Variants in PTPN11 observed in about 807,000 individuals in gnomAD.
The protein encoded by PTPN11 is protein tyrosine phosphatase non-receptor type 11.
A neutral mutation model predicts 78.8 loss-of-function variants in PTPN11; 6 were observed. The ratio of observed to expected loss-of-function variants is 0.08; its 90% CI spans 0.04 to 0.15. The LOEUF is 0.15. PTPN11 is among the 10% of genes least tolerant of loss of function. PTPN11 has a pLI of 1.00. For missense variants in PTPN11, 386 were observed against 744.8 expected (o/e 0.52, Z 5.61); for synonymous variants, 221 against 263.5 (o/e 0.84, Z 1.56).
chr12:112,465,170 A>G (rs543846710), intron 6 of PTPN11, among the ~76,000 whole-genome samples: 1 of 152,194 alleles, frequency 6.6e-6, no homozygotes, highest in Non-Finnish European at 1.5e-5. Flanking sequence ...GGTGGCTCAC[A>G]CCTGTAATCC....
chr12:112,463,923 G>A (rs995866647), intron 6 of PTPN11, among the ~76,000 whole-genome samples: 1 of 152,214 alleles, frequency 6.6e-6, no homozygotes, highest in Non-Finnish European at 1.5e-5. Context: ...AAATAAGGCT[G>A]AAAACAGAAT....
chr12:112,452,258 C>T (rs990062866), intron 3 of PTPN11, among the ~76,000 whole-genome samples: 3 of 150,840 alleles, frequency 2.0e-5, no homozygotes, highest in Admixed American at 6.6e-5. Flanking sequence ...GATGGAGTTT[C>T]GCTCGTCACC....
chr12:112,504,975 A>G lies in PTPN11; in HGVS notation c.*32+179A>G, dbSNP rs571561082. Among the ~76,000 whole-genome samples, 1 of 152,370 alleles carries G rather than the reference A, an allele frequency of 6.6e-6. No homozygotes were observed. Among genetic ancestry groups the G allele is most frequent in the East Asian group, 1.9e-4 (1 of 5,194 alleles). ...AGATGGTTTTAGTTTAGAGTTCATT[A>G]AACATTAAAATCAAACACAGAATTA... On this transcript the variant is annotated intron_variant, in intron 15 of 15. Transcript: ENST00000351677. The surrounding 1 kb of genome is among the most constrained non-coding windows in gnomAD (Gnocchi z 4.7).
intron 6 of PTPN11, among the ~76,000 whole-genome samples, chr12:112,471,489 A>T (rs2038416786): frequency 6.7e-6 from 1 of 148,972 alleles, no homozygotes; most frequent in Non-Finnish European, 1.5e-5. Context: ...AGAGAGAGAG[A>T]GACCCTGTCT....
rs2038341767 is a variant in PTPN11 at position 112,467,190 on chromosome 12, TGCCG to T, written c.757-5753_757-5750del. Among the ~76,000 whole-genome samples, 3 of 152,292 alleles carry T rather than the reference TGCCG, an allele frequency of 2.0e-5. No individual in the cohort carries two copies. The South Asian group carries it at 6.2e-4, about 32-fold the overall frequency. On this transcript the variant is annotated intron_variant, in intron 6 of 15. Coordinates refer to ENST00000351677, the MANE Select transcript of PTPN11 (RefSeq NM_002834.5). ...GCCGTTGGGTACTCACAGTCAGTAGTGCCGTTGGGTACTCACATGTACAACATGG... is the reference window on the plus strand; with the variant it reads ...GCCGTTGGGTACTCACAGTCAGTAGTTTGGGTACTCACATGTACAACATGG...
At position 112,509,703 on chromosome 12, in the gene PTPN11, G is replaced by A. The variant is rs1205060032; in HGVS notation, c.*3911G>A. 1.3e-5 allele frequency: 2 copies of A among 152,530 alleles called. No individual in the cohort carries two copies. Among genetic ancestry groups the A allele is most frequent in the Non-Finnish European group, 2.9e-5 (2 of 68,036 alleles). The allele number at this position is 152,530 out of a possible 1,614,324, so 9.4% of individuals were successfully genotyped here. A position where few individuals can be genotyped will look rare whatever the true frequency, so the allele number is the denominator to read the frequency against. ...TTGCCTTTTTGCCCACGTATATTAT[G>A]TAGTCTATTTGCAACTGTTCTTAAA... On this transcript the variant is annotated 3_prime_UTR_variant, in exon 16 of 16. Coordinates refer to ENST00000351677, the MANE Select transcript of PTPN11 (RefSeq NM_002834.5).
chr12:112,438,047 G>A (rs1205509766), intron 1 of PTPN11, among the ~76,000 whole-genome samples: 1 of 152,094 alleles, frequency 6.6e-6, no homozygotes, highest in East Asian at 1.9e-4. Context: ...GGACTCTGAT[G>A]TACCTGAAGT....
intron 1 of PTPN11, among the ~76,000 whole-genome samples, chr12:112,443,359 C>CTTTTTTTTTTTTTTTTTTTTTGTTTT (rs546004663): frequency 7.2e-6 from 1 of 138,614 alleles, no homozygotes. Flanking sequence ...ATGGTTGTAT[C>CTTTTTTTTTTTTTTTTTTTTTGTTTT]TTTTTTTTTT....
At chr12:112,478,278 G>T (rs757205807) in intron 9 of PTPN11, among the ~76,000 whole-genome samples, 2 of 151,772 alleles carry the variant, frequency 1.3e-5, no homozygotes, top group Non-Finnish European at 2.9e-5. Context: ...AGTTTCTTCA[G>T]ATACATATCC....
chr12:112,476,894 A>G (rs1459635079), intron 7 of PTPN11, among the ~76,000 whole-genome samples: 1 of 152,210 alleles, frequency 6.6e-6, no homozygotes, highest in Admixed American at 6.5e-5. Context: ...AACAATTATC[A>G]ACTCATGCCC....
At chr12:112,500,638 C>T (rs2038863807) in intron 13 of PTPN11, among the ~76,000 whole-genome samples, 1 of 152,194 alleles carries the variant, frequency 6.6e-6, no homozygotes, top group South Asian at 2.1e-4. Flanking sequence ...ATCACCCAGG[C>T]TGCAGTGCAG....
chr12:112,448,873 G>A (rs2038033552), intron 2 of PTPN11, among the ~76,000 whole-genome samples: 2 of 151,930 alleles, frequency 1.3e-5, no homozygotes, highest in African/African-American at 4.8e-5. Context: ...AAAATTACAT[G>A]TGTCTTTTTA....
At chr12:112,483,796 G>A (rs1429700714) in intron 10 of PTPN11, among the ~76,000 whole-genome samples, 2 of 152,146 alleles carry the variant, frequency 1.3e-5, no homozygotes, top group Non-Finnish European at 2.9e-5. Flanking sequence ...TTCAGTGAAG[G>A]AGTGTACCAA....
intron 1 of PTPN11, among the ~76,000 whole-genome samples, chr12:112,430,638 A>G (rs180785627): frequency 6.7e-6 from 1 of 149,804 alleles, no homozygotes; most frequent in Non-Finnish European, 1.5e-5. Context: ...AGGTCTCACT[A>G]TGTTGCCCAG....
intron 11 of PTPN11, among the ~76,000 whole-genome samples, chr12:112,487,650 A>T (rs1423134723): frequency 1.3e-5 from 2 of 152,180 alleles, no homozygotes; most frequent in Non-Finnish European, 1.5e-5. Context: ...GGGCAAGTAG[A>T]TATATGTGAA....
chr12:112,476,313 CATT>C (rs1408673893), intron 7 of PTPN11, among the ~76,000 whole-genome samples: 1 of 152,162 alleles, frequency 6.6e-6, no homozygotes, highest in Non-Finnish European at 1.5e-5. Flanking sequence ...GCAAAAAAGA[CATT>C]ATTCTTTTAA....
intron 1 of PTPN11, among the ~76,000 whole-genome samples, chr12:112,423,173 C>T (rs1458297332): frequency 6.6e-6 from 1 of 152,138 alleles, no homozygotes; most frequent in Non-Finnish European, 1.5e-5. Flanking sequence ...TTTGACAACA[C>T]TGAAATAGGA....
intron 9 of PTPN11, among the ~76,000 whole-genome samples, chr12:112,478,873 C>A (rs1386673001): frequency 6.6e-6 from 1 of 152,170 alleles, no homozygotes; most frequent in Non-Finnish European, 1.5e-5. Flanking sequence ...GCTGGGACTA[C>A]AGGTGCGTGC....
At chr12:112,440,542 G>A (rs1261189742) in intron 1 of PTPN11, among the ~76,000 whole-genome samples, 2 of 148,848 alleles carry the variant, frequency 1.3e-5, no homozygotes, top group African/African-American at 5.0e-5. Flanking sequence ...GGGATTACAG[G>A]CGTGAGCCAC....
Sources: allele counts gnomAD v4.1 joint callset (sites outside exome capture counted in the v4.1 genomes callset), GRCh38; gene constraint gnomAD v4.1.1; non-coding constraint Gnocchi (gnomAD v3.1); transcripts MANE v1.5; gene names NCBI Gene and HGNC (gene_info 2026-07-23, HGNC 2026-07-21).